AUTS2: variants seen among roughly 807,000 people sequenced by gnomAD.
AUTS2 encodes the protein activator of transcription and developmental regulator AUTS2.
Under a neutral mutation model 112.4 loss-of-function variants are expected in AUTS2, and 17 were observed. The observed-to-expected ratio is 0.15, with a 90% CI of 0.10 to 0.23. AUTS2 has a LOEUF of 0.23. Ranked by LOEUF, AUTS2 falls within the 10% of genes least tolerant of loss-of-function variation. The pLI is 1.00. For missense variants in AUTS2, 1,510 were observed against 1,701.6 expected, an observed-to-expected ratio of 0.89 and a Z score of 1.98; for synonymous variants, 751 against 702.7, an observed-to-expected ratio of 1.07 and a Z score of -1.09.
chr7:70,677,822 G>A (rs972582313), intron 5 of AUTS2, among the ~76,000 whole-genome samples: 1 of 151,672 alleles, frequency 6.6e-6, no homozygotes, highest in Non-Finnish European at 1.5e-5. Context: ...GGTGGCTGAC[G>A]CCTATAATCC....
intron 2 of AUTS2, among the ~76,000 whole-genome samples, chr7:70,058,927 C>A (rs1215632175): frequency 3.9e-5 from 6 of 152,142 alleles, no homozygotes; most frequent in African/African-American, 1.4e-4. Flanking sequence ...CTACCCCCAC[C>A]ATACCCCTCA....
chr7:69,674,702 C>T (rs1796479675), intron 1 of AUTS2, among the ~76,000 whole-genome samples: 1 of 151,982 alleles, frequency 6.6e-6, no homozygotes, highest in East Asian at 1.9e-4. Context: ...AATCAAATAA[C>T]CGTGGCAGGC....
At chr7:70,379,511 A>G (rs139007392) in intron 4 of AUTS2, among the ~76,000 whole-genome samples, 1,591 of 152,136 alleles carry the variant, frequency 0.01, 9 homozygotes, top group Non-Finnish European at 0.015. Flanking sequence ...CAAAAAAAAA[A>G]AAAGAAAGAA....
intron 1 of AUTS2, among the ~76,000 whole-genome samples, chr7:69,687,396 A>G (rs1311713082): frequency 1.3e-5 from 2 of 152,206 alleles, no homozygotes; most frequent in African/African-American, 4.8e-5. Flanking sequence ...GCATAATTGT[A>G]TAGTAGCTGA....
At chr7:69,865,870 A>G (rs1271336265) in intron 1 of AUTS2, among the ~76,000 whole-genome samples, 1 of 152,158 alleles carries the variant, frequency 6.6e-6, no homozygotes, top group Admixed American at 6.5e-5. Flanking sequence ...TAGAAGCACA[A>G]TGTATCTAGG....
At chr7:70,524,437 T>G (rs904268741) in intron 5 of AUTS2, among the ~76,000 whole-genome samples, 1 of 152,224 alleles carries the variant, frequency 6.6e-6, no homozygotes, top group South Asian at 2.1e-4. Flanking sequence ...CTCATCCACA[T>G]TGATAAATAT....
Position 70,013,835 on chromosome 7 carries a change from A to G in AUTS2, c.523-104297A>G, listed in dbSNP as rs551673288. Reference sequence around the variant, plus strand: ...CGGGTTCAAGCGATTCCCCTGCCTCAGCCTCCCAAGTAGCTGGGACTACAG... The same window carrying G: ...CGGGTTCAAGCGATTCCCCTGCCTCGGCCTCCCAAGTAGCTGGGACTACAG... On this transcript the variant is annotated intron_variant, in intron 2 of 18. Transcript: ENST00000342771. 2.1e-3 allele frequency among the ~76,000 whole-genome samples: 325 copies of G among 152,212 alleles called. 1 individual carries two copies. Among genetic ancestry groups the G allele is most frequent in the African/African-American group, 6.7e-3 (280 of 41,536 alleles).
In AUTS2 at chr7:70,480,220, G is replaced by A. The variant is rs1797736329; in HGVS notation, c.690+44439G>A. Among the ~76,000 whole-genome samples the A allele has an allele frequency of 1.3e-5, 2 of 152,250 alleles. 1 individual carries two copies. Among genetic ancestry groups the A allele is most frequent in the South Asian group, 4.1e-4 (2 of 4,834 alleles). On this transcript the variant is annotated intron_variant, in intron 5 of 18. Coordinates refer to ENST00000342771, the MANE Select transcript of AUTS2 (RefSeq NM_015570.4). ...ATGTCCAGTGTATGTGTACGTGTGT[G>A]TGCACATGCACTTAGGACAACTTTG...
At chr7:70,530,360 C>T (rs896517509) in intron 5 of AUTS2, among the ~76,000 whole-genome samples, 10 of 152,062 alleles carry the variant, frequency 6.6e-5, no homozygotes, top group Admixed American at 2.6e-4. Context: ...GTGGGTGTTA[C>T]GGCAACATGG....
rs1451739339 is a variant in AUTS2 at position 70,203,343 on chromosome 7, A to AT, written c.660+68773dup. Among the ~76,000 whole-genome samples the AT allele has an allele frequency of 8.8e-4, 38 of 43,428 alleles. 1 individual carries two copies. The highest frequency in any genetic ancestry group is 1.8e-3 in the African/African-American group (21 of 11,410). The allele number at this position is 43,428 out of a possible 152,430, so 28.5% of individuals were successfully genotyped here. A position where few individuals can be genotyped will look rare whatever the true frequency, so the allele number is the denominator to read the frequency against. On this transcript the variant is annotated intron_variant, in intron 4 of 18. Coordinates refer to ENST00000342771, the MANE Select transcript of AUTS2 (RefSeq NM_015570.4). ...CATGTACCCTAAAACTTAGAGTATA[A>AT]TAAAAAAAAAAAAAAAAAAGAAGTT...
intron 2 of AUTS2, among the ~76,000 whole-genome samples, chr7:70,051,877 C>T (rs1801770816): frequency 6.6e-6 from 1 of 151,910 alleles, no homozygotes; most frequent in Admixed American, 6.6e-5. Flanking sequence ...AGATATGTTC[C>T]CAGAGTAGAG....
intron 4 of AUTS2, among the ~76,000 whole-genome samples, chr7:70,326,869 TA>T (rs1441452925): frequency 6.6e-6 from 1 of 150,588 alleles, no homozygotes; most frequent in African/African-American, 2.4e-5. Context: ...GTAATAACTG[TA>T]AAAACATAAT....
chr7:70,218,492 C>A (rs1811291102), intron 4 of AUTS2, among the ~76,000 whole-genome samples: 1 of 152,076 alleles, frequency 6.6e-6, no homozygotes, highest in Non-Finnish European at 1.5e-5. Flanking sequence ...ATGGTCCTTG[C>A]CCTCAGGGTC....
intron 6 of AUTS2, among the ~76,000 whole-genome samples, chr7:70,702,699 G>A (rs1809523019): frequency 6.6e-6 from 1 of 152,082 alleles, no homozygotes; most frequent in South Asian, 2.1e-4. Flanking sequence ...ACCCTCGTAG[G>A]CAGGACCCCA....
chr7:69,692,257 A>T (rs1797380018), intron 1 of AUTS2, among the ~76,000 whole-genome samples: 1 of 152,218 alleles, frequency 6.6e-6, no homozygotes, highest in Non-Finnish European at 1.5e-5. Flanking sequence ...ACTGGAGGAG[A>T]ATAACCACAC....
At chr7:69,710,038 T>C (rs1798244878) in intron 1 of AUTS2, among the ~76,000 whole-genome samples, 1 of 152,226 alleles carries the variant, frequency 6.6e-6, no homozygotes, top group South Asian at 2.1e-4. Flanking sequence ...CTTTACTACT[T>C]GGGAGACTCT....
intron 5 of AUTS2, among the ~76,000 whole-genome samples, chr7:70,512,549 G>T (rs1226508820): frequency 6.6e-6 from 1 of 152,130 alleles, no homozygotes; most frequent in Non-Finnish European, 1.5e-5. Flanking sequence ...TCCTCAGTAG[G>T]AAAACATCGA....
intron 5 of AUTS2, among the ~76,000 whole-genome samples, chr7:70,617,237 T>C (rs1563078783): frequency 1.3e-5 from 2 of 152,218 alleles, no homozygotes. Context: ...TTACTTCGCA[T>C]GCTGCCTGCT....
At chr7:69,792,364 C>T (rs13232095) in intron 1 of AUTS2, among the ~76,000 whole-genome samples, 42,956 of 151,678 alleles carry the variant, frequency 0.28, 6,156 homozygotes, top group Middle Eastern at 0.34. Context: ...CTCAGCCTCC[C>T]GAGTAGCTGG....
Sources: allele counts gnomAD v4.1 joint callset (sites outside exome capture counted in the v4.1 genomes callset), GRCh38; gene constraint gnomAD v4.1.1; transcripts MANE v1.5; gene names NCBI Gene and HGNC (gene_info 2026-07-23, HGNC 2026-07-21).